The following TMEM132B variants were observed in gnomAD, a reference collection of about 807,000 sequenced individuals.
TMEM132B encodes the protein transmembrane protein 132B.
A neutral mutation model predicts 90.8 loss-of-function variants in TMEM132B; 18 were observed. That is an observed-to-expected ratio of 0.20 (90% CI 0.14 to 0.29). TMEM132B has a LOEUF of 0.29. Ranked by LOEUF, TMEM132B falls within the 10% of genes least tolerant of loss-of-function variation. The pLI, the probability that TMEM132B is intolerant of heterozygous loss-of-function variation, is 1.00. For synonymous variants in TMEM132B, 504 were observed against 523.3 expected, an observed-to-expected ratio of 0.96 and a Z score of 0.50; for missense variants, 1,096 against 1,326.8, an observed-to-expected ratio of 0.83 and a Z score of 2.70.
chr12:125,424,003 A>T (rs1442918113), intron 3 of TMEM132B, among the ~76,000 whole-genome samples: 4 of 152,226 alleles, frequency 2.6e-5, no homozygotes, highest in African/African-American at 9.6e-5. Flanking sequence ...ATTTTTTCCA[A>T]CAATTTCAAG....
chr12:125,208,989 C>T (rs976017053), intron 1 of TMEM132B, among the ~76,000 whole-genome samples: 3 of 152,136 alleles, frequency 2.0e-5, no homozygotes, highest in African/African-American at 4.8e-5. Flanking sequence ...AGTGCTGCGT[C>T]CCCTCTGAGT....
In TMEM132B at chr12:125,659,372, C is replaced by T. The variant is rs1055575131; in HGVS notation, c.*4662C>T. The stretch of plus-strand genomic sequence containing the variant: ...CTGCGGGTGTTTGAGAGCCTTTGAC[C>T]TCTGTCCACCCTTTGGTCTTTGCTC... On this transcript the variant is annotated 3_prime_UTR_variant, in exon 9 of 9. Coordinates refer to ENST00000682704, the MANE Select transcript of TMEM132B (RefSeq NM_001366854.1). 8 of 152,366 alleles carry T rather than the reference C, an allele frequency of 5.3e-5. No individual in the cohort carries two copies. The highest frequency in any genetic ancestry group is 1.9e-4 in the African/African-American group (8 of 41,560). The allele number at this position is 152,366 out of a possible 1,614,324, so 9.4% of individuals were successfully genotyped here.
intron 3 of TMEM132B, among the ~76,000 whole-genome samples, chr12:125,517,516 A>G (rs570936994): frequency 1.3e-5 from 2 of 151,966 alleles, no homozygotes; most frequent in African/African-American, 4.8e-5. Flanking sequence ...TTGCAAAACA[A>G]CTTGTACCAA....
At chr12:125,313,901 C>T (rs796458470) in intron 1 of TMEM132B, among the ~76,000 whole-genome samples, 21 of 151,538 alleles carry the variant, frequency 1.4e-4, no homozygotes, top group African/African-American at 4.8e-4. Context: ...ATGACCTAGC[C>T]GGTCCTGTGT....
intron 2 of TMEM132B, among the ~76,000 whole-genome samples, chr12:125,389,013 TACACAC>T (rs71447042): frequency 0.026 from 3,693 of 140,134 alleles, 65 homozygotes; most frequent in Middle Eastern, 0.039. Flanking sequence ...ATATTTTCTG[TACACAC>T]ACACACACAC....
chr12:125,373,340 C>T (rs1412279031), intron 2 of TMEM132B, among the ~76,000 whole-genome samples: 1 of 152,084 alleles, frequency 6.6e-6, no homozygotes, highest in Non-Finnish European at 1.5e-5. Context: ...AAAATGTGAC[C>T]GTATTTGGAT....
intron 4 of TMEM132B, among the ~76,000 whole-genome samples, chr12:125,569,256 A>G (rs775890355): frequency 1.3e-5 from 2 of 152,132 alleles, no homozygotes; most frequent in African/African-American, 2.4e-5. Context: ...TCCCCAAAGC[A>G]TCTTCCTATC....
rs1873264681 is a variant in TMEM132B, at chr12:125,209,361, G to T, written c.67+22495G>T. ...TGCAGTGGGCTTGCTGTGTACCTTT[G>T]TCCCAGCCTGGGACAGCAGACGCTA... On this transcript the variant is annotated intron_variant, in intron 1 of 8. Transcript: ENST00000682704. The surrounding 1 kb of genome is among the most constrained non-coding windows in gnomAD (Gnocchi z 4.4). Among the ~76,000 whole-genome samples the T allele has an allele frequency of 6.6e-6, 1 of 152,188 alleles. No homozygotes were observed. The highest frequency in any genetic ancestry group is 2.4e-5 in the African/African-American group (1 of 41,426).
chr12:125,296,791 T>C (rs7959631), intron 1 of TMEM132B, among the ~76,000 whole-genome samples: 126,905 of 152,218 alleles, frequency 0.83, 53,240 homozygotes, highest in African/African-American at 0.93. Flanking sequence ...ATCACCGAAC[T>C]GGGACCAGGC....
chr12:125,534,314 T>C (rs535021371), intron 4 of TMEM132B, among the ~76,000 whole-genome samples: 1 of 152,282 alleles, frequency 6.6e-6, no homozygotes, highest in East Asian at 1.9e-4. Flanking sequence ...CGCAGGAATT[T>C]GAGACCAGCC....
intron 4 of TMEM132B, among the ~76,000 whole-genome samples, chr12:125,553,492 G>T (rs979206079): frequency 1.3e-5 from 2 of 152,200 alleles, no homozygotes; most frequent in Non-Finnish European, 2.9e-5. Flanking sequence ...GAGCAGGTCC[G>T]CTGGGGCTCA....
At chr12:125,598,149 A>C (rs566958726) in intron 5 of TMEM132B, among the ~76,000 whole-genome samples, 1 of 152,214 alleles carries the variant, frequency 6.6e-6, no homozygotes, top group Non-Finnish European at 1.5e-5. Context: ...AGAAATGTCG[A>C]TAGCACTGCA....
intron 3 of TMEM132B, among the ~76,000 whole-genome samples, chr12:125,493,437 A>G (rs1020288602): frequency 6.6e-6 from 1 of 152,170 alleles, no homozygotes; most frequent in Non-Finnish European, 1.5e-5. Flanking sequence ...GAGTGGAGAC[A>G]GAGGATGCAG....
chr12:125,298,760 G>T (rs796849094), intron 1 of TMEM132B, among the ~76,000 whole-genome samples: 25 of 150,026 alleles, frequency 1.7e-4, no homozygotes, highest in African/African-American at 5.6e-4. Context: ...TTGAGACGGG[G>T]TCTCTCTCTG....
chr12:125,547,539 G>C (rs1294311491), intron 4 of TMEM132B, among the ~76,000 whole-genome samples: 1 of 152,176 alleles, frequency 6.6e-6, no homozygotes, highest in Non-Finnish European at 1.5e-5. Context: ...TTTGGAATCT[G>C]TTTTGTTCCT....
intron 5 of TMEM132B, among the ~76,000 whole-genome samples, chr12:125,639,114 T>C (rs1886563214): frequency 1.3e-5 from 2 of 152,206 alleles, no homozygotes; most frequent in Non-Finnish European, 2.9e-5. Flanking sequence ...GGAATCTGGC[T>C]CTGATCTTTA....
intron 4 of TMEM132B, among the ~76,000 whole-genome samples, chr12:125,534,856 ATAAAAT>A: frequency 6.6e-6 from 1 of 152,250 alleles, no homozygotes; most frequent in Non-Finnish European, 1.5e-5. Flanking sequence ...TTAATATTAA[ATAAAAT>A]TAAAAATTCA....
intron 4 of TMEM132B, among the ~76,000 whole-genome samples, chr12:125,530,872 C>T (rs1211920): frequency 0.6 from 91,373 of 151,830 alleles, 28,829 homozygotes; most frequent in East Asian, 0.87. Flanking sequence ...GAGGTCACAT[C>T]CTGAGGTTGT....
intron 3 of TMEM132B, among the ~76,000 whole-genome samples, chr12:125,436,356 T>C (rs1045261100): frequency 6.6e-6 from 1 of 152,186 alleles, no homozygotes; most frequent in Non-Finnish European, 1.5e-5. Context: ...CTTCCTGTTA[T>C]GGAATCGTAC....
Sources: allele counts gnomAD v4.1 joint callset (sites outside exome capture counted in the v4.1 genomes callset), GRCh38; gene constraint gnomAD v4.1.1; non-coding constraint Gnocchi (gnomAD v3.1); transcripts MANE v1.5; gene names NCBI Gene and HGNC (gene_info 2026-07-23, HGNC 2026-07-21).